The following SYP variants were observed in gnomAD, a reference collection of about 807,000 sequenced individuals.
The protein encoded by SYP is major synaptic vesicle protein P38.
SYP carries 2 observed loss-of-function variants against 24.3 expected under a neutral mutation model. The observed-to-expected ratio is 0.08, with a 90% CI of 0.03 to 0.26. SYP has a LOEUF of 0.26. Ranked by LOEUF, SYP falls within the 10% of genes least tolerant of loss-of-function variation. SYP has a pLI of 1.00. For synonymous variants in SYP, 143 were observed against 123.2 expected, an observed-to-expected ratio of 1.16 and a Z score of -1.07; for missense variants, 216 against 266.3, an observed-to-expected ratio of 0.81 and a Z score of 1.32.
rs370328436 is a variant in SYP, at chrX:49,197,843, G to A, written c.103-4C>T. 4.8e-5 allele frequency: 58 copies of A among 1,208,512 alleles called. No homozygotes were observed. In the African/African-American group the frequency reaches 8.9e-4, roughly 19 times the overall value. On this transcript the variant is annotated splice_region_variant and splice_polypyrimidine_tract_variant and intron_variant, in intron 2 of 6. Transcript: ENST00000263233. ...CAAAGGCGAAGATGGCGAAGACCTT[G>A]GGCAGCAGGGATGGGGATGGCCACA...
Position 49,188,859 on chromosome X carries a change from G to A in SYP, c.*428C>T, listed in dbSNP as rs1381517174. The A allele has an allele frequency of 9.0e-6, 1 of 111,559 alleles. No homozygotes were observed. Among genetic ancestry groups the A allele is most frequent in the African/African-American group, 3.3e-5 (1 of 30,495 alleles). 9.2% of individuals were successfully genotyped at this position (111,559 alleles called of 1,213,427 possible). ...GATTTCCCTAACGGCCTTTGTTCAG[G>A]CAGGCATTGCTGGAGGAACCAAGGC... On this transcript the variant is annotated 3_prime_UTR_variant, in exon 7 of 7. Coordinates refer to ENST00000263233, the MANE Select transcript of SYP (RefSeq NM_003179.3).
rs1557102972 is a variant in SYP at position 49,193,260 on chromosome X, C to CA, written c.615+11_615+12insT. 1 of 1,209,691 alleles carries CA rather than the reference C, an allele frequency of 8.3e-7. No homozygotes were observed. Among genetic ancestry groups the CA allele is most frequent in the Non-Finnish European group, 1.1e-6 (1 of 894,734 alleles). On this transcript the variant is annotated intron_variant, in intron 5 of 6. Transcript: ENST00000263233. The stretch of plus-strand genomic sequence containing the variant: ...TCCACTCTCCCTCCTCCAGCCAGCA[C>CA]CCAGGGCTTACCACCGAGGTGTTGA...
rs1602609727 is a variant in SYP, at chrX:49,191,424, G to C, written c.*4+9C>G. 1 of 1,209,767 alleles carries C rather than the reference G, an allele frequency of 8.3e-7. No homozygotes were observed. Among genetic ancestry groups the C allele is most frequent in the South Asian group, 1.8e-5 (1 of 56,619 alleles). On this transcript the variant is annotated intron_variant, in intron 6 of 6. Transcript: ENST00000263233. ...CCCTCCTTGGCCGCACCGCTCGCCG[G>C]TCACTCACCAGACTACATCTGATTG...
At chrX:49,197,561 C>A in intron 3 of SYP, 154 bp downstream of exon 3, 1 of 789,828 alleles carries the variant, frequency 1.3e-6, no homozygotes, top group Non-Finnish European at 1.8e-6. Flanking sequence ...GAGTCCAGAG[C>A]AGTGCCAGGT....
At chrX:49,198,858 A>ACC in intron 2 of SYP, 110 bp downstream of exon 2, 1 of 901,451 alleles carries the variant, frequency 1.1e-6, no homozygotes, top group Non-Finnish European at 1.6e-6. Flanking sequence ...ATCCCCTACA[A>ACC]CCCCCGCACT....
chrX:49,191,386 C>T (rs1419335157), intron 6 of SYP, 47 bp downstream of exon 6: 2 of 1,181,596 alleles, frequency 1.7e-6, no homozygotes, highest in African/African-American at 3.5e-5. Context: ...ACCCGCTCGT[C>T]TCCTTCCTTG....
intron 6 of SYP, among the ~76,000 whole-genome samples, chrX:49,190,080 CT>C (rs2065500534): frequency 9.0e-6 from 1 of 111,562 alleles, no homozygotes; most frequent in South Asian, 3.7e-4. Context: ...TTGCCACCTT[CT>C]TGCCTTCCCC....
At chrX:49,191,806 C>T (rs782804585) in intron 5 of SYP, 43 bp from the exon 6 acceptor site, 71 of 1,151,448 alleles carry the variant, frequency 6.2e-5, no homozygotes, top group Non-Finnish European at 8.0e-5. Flanking sequence ...CGCCCATTGC[C>T]TTGGCGGCCC....
At chrX:49,192,828 G>A (rs6520404) in intron 5 of SYP, among the ~76,000 whole-genome samples, 10,964 of 111,918 alleles carry the variant, frequency 0.098, 1,363 homozygotes, top group African/African-American at 0.34. Context: ...CTTCGATTAT[G>A]CATGCTCAAC....
intron 1 of SYP, 119 bp downstream of exon 1, chrX:49,200,031 CG>C: frequency 1.1e-6 from 1 of 917,552 alleles, no homozygotes; most frequent in African/African-American, 2.0e-5. Flanking sequence ...TCCCCAGCGC[CG>C]GGGACCGGGT....
At chrX:49,200,037 C>A in intron 1 of SYP, 114 bp downstream of exon 1, 1 of 957,151 alleles carries the variant, frequency 1.0e-6, no homozygotes, top group South Asian at 2.1e-5. Context: ...GCGCCGGGGA[C>A]CGGGTCTCCG....
At chrX:49,190,981 A>T (rs1363539807) in intron 6 of SYP, 1 of 150,073 alleles carries the variant, frequency 6.7e-6, no homozygotes, top group African/African-American at 3.1e-5. Context: ...AGCTCGTCTG[A>T]CCTTCAAGAT....
chrX:49,191,157 C>T, intron 6 of SYP: 1 of 408,987 alleles, frequency 2.4e-6, no homozygotes, highest in South Asian at 3.5e-5. Context: ...CTGCTTCTCT[C>T]CCCCCGCCTT....
chrX:49,191,875 C>T, intron 5 of SYP, 112 bp from the exon 6 acceptor site: 1 of 870,602 alleles, frequency 1.1e-6, no homozygotes, highest in Non-Finnish European at 1.6e-6. Flanking sequence ...GTGGGGGTTT[C>T]TGAAACCCAG....
At chrX:49,193,600 CTT>C in intron 4 of SYP, 137 bp from the exon 5 acceptor site, 2 of 686,694 alleles carry the variant, frequency 2.9e-6, no homozygotes, top group Non-Finnish European at 4.3e-6. Context: ...GCCCACAACA[CTT>C]TCACCTGAAG....
At chrX:49,194,018 A>G in intron 4 of SYP, 148 bp downstream of exon 4, 4 of 647,097 alleles carry the variant, frequency 6.2e-6, no homozygotes, top group Non-Finnish European at 9.8e-6. Context: ...GGTGTGGATT[A>G]ATAGCAGCAG....
At chrX:49,198,523 G>A (rs189888882) in intron 2 of SYP, 107 of 121,378 alleles carry the variant, frequency 8.8e-4, no homozygotes, top group African/African-American at 3.4e-3. Context: ...GTTTCTGTTT[G>A]TCTCTTCTCT....
intron 1 of SYP, 124 bp from the exon 2 acceptor site, chrX:49,199,157 G>A: frequency 6.0e-6 from 4 of 662,374 alleles, no homozygotes; most frequent in Non-Finnish European, 7.2e-6. Flanking sequence ...GTGAGAAGGA[G>A]AAAGTGACAC....
intron 2 of SYP, 21 bp from the exon 3 acceptor site, chrX:49,197,860 A>T (rs1221329252): frequency 3.3e-6 from 4 of 1,207,313 alleles, no homozygotes; most frequent in Non-Finnish European, 4.5e-6. Flanking sequence ...AGGGATGGGG[A>T]TGGCCACAGT....
Sources: allele counts gnomAD v4.1 joint callset (sites outside exome capture counted in the v4.1 genomes callset), GRCh38; gene constraint gnomAD v4.1.1; transcripts MANE v1.5; gene names NCBI Gene and HGNC (gene_info 2026-07-23, HGNC 2026-07-21).